The following RBFOX3 variants were observed in gnomAD, a reference collection of about 807,000 sequenced individuals.
RBFOX3 encodes the protein RNA binding protein fox-1 homolog 3.
Under a neutral mutation model 48.7 loss-of-function variants are expected in RBFOX3, and 17 were observed. That is an observed-to-expected ratio of 0.35 (90% CI 0.24 to 0.52). The LOEUF (loss-of-function observed/expected upper bound fraction) is 0.52, where lower values mean the gene tolerates loss of function less well. Ranked by LOEUF, RBFOX3 falls within the 20% of genes least tolerant of loss-of-function variation. RBFOX3 has a pLI of 0.94. For missense variants in RBFOX3, 382 were observed against 497.5 expected, an observed-to-expected ratio of 0.77 and a Z score of 2.21; for synonymous variants, 212 against 209.5, an observed-to-expected ratio of 1.01 and a Z score of -0.10.
chr17:79,543,018 C>T (rs1392500533), intron 1 of RBFOX3, among the ~76,000 whole-genome samples: 1 of 152,046 alleles, frequency 6.6e-6, no homozygotes, highest in East Asian at 1.9e-4. Context: ...CCATCCAGGT[C>T]CAGGCAGGCA....
At chr17:79,190,427 A>C (rs892195102) in intron 4 of RBFOX3, among the ~76,000 whole-genome samples, 12 of 146,808 alleles carry the variant, frequency 8.2e-5, no homozygotes, top group Admixed American at 2.1e-4. Context: ...AAAAAAAAAA[A>C]AAAACAAAAA....
intron 1 of RBFOX3, among the ~76,000 whole-genome samples, chr17:79,562,862 C>G (rs1223780733): frequency 6.6e-6 from 1 of 152,214 alleles, no homozygotes; most frequent in African/African-American, 2.4e-5. Flanking sequence ...GGGGCTCGTA[C>G]CCACCCCAGG....
At chr17:79,163,745 G>C (rs1019206589) in intron 4 of RBFOX3, among the ~76,000 whole-genome samples, 1 of 152,024 alleles carries the variant, frequency 6.6e-6, no homozygotes, top group Non-Finnish European at 1.5e-5. Context: ...TTGCCAACAG[G>C]GTGCCCCACC....
intron 2 of RBFOX3, among the ~76,000 whole-genome samples, chr17:79,414,843 C>T (rs960739769): frequency 3.9e-5 from 6 of 152,182 alleles, no homozygotes; most frequent in African/African-American, 1.2e-4. Flanking sequence ...TCCATTCAGT[C>T]GGGAGGAACC....
chr17:79,274,000 C>A (rs1170439019), intron 3 of RBFOX3, among the ~76,000 whole-genome samples: 1 of 152,176 alleles, frequency 6.6e-6, no homozygotes, highest in Non-Finnish European at 1.5e-5. Flanking sequence ...TAGTGTCCAG[C>A]GCCACCCTGG....
At position 79,554,930 on chromosome 17, in the gene RBFOX3, C is replaced by T. The variant is rs916004278; in HGVS notation, c.-320+55896G>A. Among the ~76,000 whole-genome samples, 1,072 of 152,214 alleles carry T rather than the reference C, an allele frequency of 7.0e-3. 12 individuals carry two copies. The highest frequency in any genetic ancestry group is 0.023 in the African/African-American group (953 of 41,524). On this transcript the variant is annotated intron_variant, in intron 1 of 14. Transcript: ENST00000693108. ...ACTTCTCCAAACCATAGAACATCAA[C>T]GGACAGAACTCAGCCTCATGAACAG...
intron 4 of RBFOX3, among the ~76,000 whole-genome samples, chr17:79,187,446 C>A (rs187665941): frequency 2.0e-5 from 3 of 152,134 alleles, no homozygotes; most frequent in Non-Finnish European, 2.9e-5. Context: ...CGCGCCAAGC[C>A]GAGCCTTCAT....
intron 12 of RBFOX3, among the ~76,000 whole-genome samples, chr17:79,096,449 T>C (rs2075274410): frequency 1.3e-5 from 2 of 150,928 alleles, no homozygotes; most frequent in African/African-American, 2.4e-5. Context: ...GCTCCCTTGA[T>C]GGGTACCAAC....
intron 14 of RBFOX3, among the ~76,000 whole-genome samples, chr17:79,091,130 G>A (rs1204098392): frequency 6.6e-6 from 1 of 152,226 alleles, no homozygotes; most frequent in East Asian, 1.9e-4. Context: ...AGCTGAGCAG[G>A]GCAGGGTGAG....
At chr17:79,440,478 C>T (rs1053597697) in intron 2 of RBFOX3, among the ~76,000 whole-genome samples, 25 of 152,150 alleles carry the variant, frequency 1.6e-4, no homozygotes, top group Non-Finnish European at 2.9e-4. Context: ...CGGCCGAAGC[C>T]CAGACCAGGG....
chr17:79,428,796 T>C (rs1555726931), intron 2 of RBFOX3, among the ~76,000 whole-genome samples: 4 of 152,252 alleles, frequency 2.6e-5, no homozygotes, highest in African/African-American at 9.6e-5. Context: ...TTCTCAGAAC[T>C]AGCAGTGAAT....
intron 4 of RBFOX3, chr17:79,234,681 T>C (rs543532549): frequency 3.3e-5 from 5 of 151,554 alleles, no homozygotes; most frequent in Admixed American, 6.6e-5. Flanking sequence ...TTTGAATTTT[T>C]CAACTTTATG....
intron 2 of RBFOX3, among the ~76,000 whole-genome samples, chr17:79,463,419 T>C (rs1371946599): frequency 5.9e-5 from 5 of 84,912 alleles, no homozygotes; most frequent in East Asian, 4.0e-4. Context: ...TCCACTGCCA[T>C]TGCCACTGCC....
chr17:79,523,385 C>T (rs940590617), intron 1 of RBFOX3, among the ~76,000 whole-genome samples: 14 of 152,144 alleles, frequency 9.2e-5, no homozygotes, highest in Non-Finnish European at 1.8e-4. Context: ...CACCAGTCAC[C>T]ACCAAACCCC....
rs148408414 is a variant in RBFOX3, at chr17:79,377,780, T to A, written c.-174-69956A>T. Among the ~76,000 whole-genome samples the A allele has an allele frequency of 2.0e-5, 3 of 152,196 alleles. No homozygotes were observed. The East Asian group carries it at 5.8e-4, about 30-fold the overall frequency. On this transcript the variant is annotated intron_variant, in intron 2 of 14. Transcript: ENST00000693108. Reference sequence around the variant, plus strand: ...AAGCCCACGGCTTTCTAGGTGTGCGTGTCCCTGGTGACCCGAGGTCGCTGC... The same window carrying A: ...AAGCCCACGGCTTTCTAGGTGTGCGAGTCCCTGGTGACCCGAGGTCGCTGC...
chr17:79,609,717 A>G (rs2093926610), intron 1 of RBFOX3, among the ~76,000 whole-genome samples: 1 of 149,782 alleles, frequency 6.7e-6, no homozygotes, highest in Admixed American at 6.6e-5. Flanking sequence ...CAGGTTCCCA[A>G]TGCCCCTCCA....
chr17:79,346,862 G>A (rs768293941), intron 2 of RBFOX3, among the ~76,000 whole-genome samples: 1 of 152,076 alleles, frequency 6.6e-6, no homozygotes, highest in South Asian at 2.1e-4. Context: ...TCTTCTATTT[G>A]TGTGTGTTTG....
At chr17:79,253,213 C>G (rs1049429130) in intron 3 of RBFOX3, among the ~76,000 whole-genome samples, 1 of 152,202 alleles carries the variant, frequency 6.6e-6, no homozygotes, top group Non-Finnish European at 1.5e-5. Context: ...CTGCCAAAGC[C>G]AGACGGGGCT....
At chr17:79,637,202 A>G in the RBFOX3 span, among the ~76,000 whole-genome samples, 2 of 152,246 alleles carry the variant, frequency 1.3e-5, no homozygotes, top group Non-Finnish European at 2.9e-5. Flanking sequence ...ATATAACAGT[A>G]GTAGGGGACT....
Sources: allele counts gnomAD v4.1 joint callset (sites outside exome capture counted in the v4.1 genomes callset), GRCh38; gene constraint gnomAD v4.1.1; transcripts MANE v1.5; gene names NCBI Gene and HGNC (gene_info 2026-07-23, HGNC 2026-07-21).